WDR41: variants seen among roughly 807,000 people sequenced by gnomAD.
WDR41 encodes the protein WD repeat-containing protein 41.
Under a neutral mutation model 69.3 loss-of-function variants are expected in WDR41, and 63 were observed. The observed-to-expected ratio is 0.91, with a 90% CI of 0.74 to 1.12. WDR41 has a LOEUF of 1.12. Ranked by LOEUF, WDR41 falls within the 50% of genes most tolerant of loss-of-function variation. The pLI is 0.00. For synonymous variants in WDR41, 185 were observed against 192.1 expected, an observed-to-expected ratio of 0.96 and a Z score of 0.31; for missense variants, 543 against 534.5, an observed-to-expected ratio of 1.02 and a Z score of -0.16.
chr5:77,552,343 T>C (rs1178719577), intron 1 of WDR41, among the ~76,000 whole-genome samples: 2 of 152,172 alleles, frequency 1.3e-5, no homozygotes, highest in Admixed American at 1.3e-4. Flanking sequence ...ATGTGCAAGA[T>C]CTATATGCTA....
chr5:77,482,896 A>G (rs1801342080), intron 2 of WDR41, among the ~76,000 whole-genome samples: 1 of 151,634 alleles, frequency 6.6e-6, no homozygotes, highest in African/African-American at 2.4e-5. Context: ...ACCCTTGGGA[A>G]AGTGCCCCCG....
At chr5:77,439,380 T>G (rs967528832) in intron 9 of WDR41, among the ~76,000 whole-genome samples, 13 of 152,244 alleles carry the variant, frequency 8.5e-5, no homozygotes, top group African/African-American at 2.9e-4. Flanking sequence ...TCTTGAATGA[T>G]CCCCTTGACT....
At chr5:77,470,131 C>A (rs1195568234) in intron 2 of WDR41, among the ~76,000 whole-genome samples, 3 of 151,736 alleles carry the variant, frequency 2.0e-5, no homozygotes, top group Non-Finnish European at 4.4e-5. Context: ...ATTCAACATT[C>A]TTAAAGAAAA....
intron 1 of WDR41, among the ~76,000 whole-genome samples, chr5:77,576,173 T>G (rs1461406753): frequency 6.6e-6 from 1 of 152,118 alleles, no homozygotes; most frequent in East Asian, 1.9e-4. Flanking sequence ...GAAGAACCCC[T>G]CGATCTATGT....
chr5:77,481,527 C>G (rs1471451205), intron 2 of WDR41, among the ~76,000 whole-genome samples: 1 of 152,208 alleles, frequency 6.6e-6, no homozygotes, highest in East Asian at 1.9e-4. Flanking sequence ...TAGCTCACAC[C>G]TGTAATCCCA....
chr5:77,548,676 G>A (rs1743242926), intron 1 of WDR41, among the ~76,000 whole-genome samples: 1 of 152,164 alleles, frequency 6.6e-6, no homozygotes, highest in Admixed American at 6.5e-5. Flanking sequence ...CTATGCTGCT[G>A]GTGGGAATGT....
chr5:77,495,875 A>G (rs1486934039), upstream of WDR41, among the ~76,000 whole-genome samples: 10 of 152,070 alleles, frequency 6.6e-5, no homozygotes, highest in Non-Finnish European at 5.9e-5. Flanking sequence ...TTGACATAAT[A>G]TTATCACATT....
intron 5 of WDR41, among the ~76,000 whole-genome samples, chr5:77,456,983 C>T (rs1799860350): frequency 6.6e-6 from 1 of 152,186 alleles, no homozygotes; most frequent in Admixed American, 6.5e-5. Context: ...GGATTGCAGG[C>T]ATGAACTACC....
intron 2 of WDR41, among the ~76,000 whole-genome samples, chr5:77,474,184 G>A (rs201312029): frequency 1.3e-5 from 2 of 151,864 alleles, no homozygotes; most frequent in East Asian, 3.9e-4. Flanking sequence ...CTATGGCAAG[G>A]ACAAAAAACC....
intron 1 of WDR41, among the ~76,000 whole-genome samples, chr5:77,515,693 T>C (rs951971866): frequency 1.3e-5 from 2 of 152,136 alleles, no homozygotes; most frequent in South Asian, 2.1e-4. Context: ...CACTAGGCAA[T>C]AGGAATTTTC....
At chr5:77,611,520 C>T (rs1477529634) in intron 1 of WDR41, among the ~76,000 whole-genome samples, 1 of 152,212 alleles carries the variant, frequency 6.6e-6, no homozygotes, top group Non-Finnish European at 1.5e-5. Context: ...AACCGCTCAA[C>T]TACATGGAAA....
At chr5:77,434,578 A>G (rs193166468) in intron 12 of WDR41, among the ~76,000 whole-genome samples, 3 of 152,006 alleles carry the variant, frequency 2.0e-5, no homozygotes, top group Admixed American at 1.3e-4. Context: ...GGTGGCGGGC[A>G]CCTGTAATCC....
At chr5:77,596,234 G>T (rs976009341) in intron 1 of WDR41, among the ~76,000 whole-genome samples, 3 of 152,014 alleles carry the variant, frequency 2.0e-5, no homozygotes, top group African/African-American at 7.3e-5. Flanking sequence ...TGCAACCTCC[G>T]CCTCCCAGGT....
In WDR41 at chr5:77,431,206, G is replaced by A. The variant is rs1798710060; in HGVS notation, c.*1929C>T. ...GTTACAGAGATCTCATTTGTGAAAGGAAGTCAATTGATTTGGAAAACTTCA... is the reference window on the plus strand; with the variant it reads ...GTTACAGAGATCTCATTTGTGAAAGAAAGTCAATTGATTTGGAAAACTTCA... On this transcript the variant is annotated 3_prime_UTR_variant, in exon 13 of 13. Coordinates refer to ENST00000296679, the MANE Select transcript of WDR41 (RefSeq NM_018268.4). 2 of 152,138 alleles carry A rather than the reference G, an allele frequency of 1.3e-5. No individual in the cohort carries two copies. The highest frequency in any genetic ancestry group is 6.6e-5 in the Admixed American group (1 of 15,266). The allele number at this position is 152,138 out of a possible 1,614,324, so 9.4% of individuals were successfully genotyped here. A position where few individuals can be genotyped will look rare whatever the true frequency, so the allele number is the denominator to read the frequency against.
chr5:77,491,748 T>C (rs1801799875), intron 1 of WDR41: 2 of 177,940 alleles, frequency 1.1e-5, no homozygotes, highest in African/African-American at 4.7e-5. Context: ...GAGACACCAA[T>C]TCAAATAAAC....
Position 77,459,047 on chromosome 5 carries a change from T to C in WDR41, c.411+15A>G, listed in dbSNP as rs1297529784. ...ATAGATTGTCATAAAAACTCATATT[T>C]ACTTAAGATTTTACCTTTACAGTAG... On this transcript the variant is annotated intron_variant, in intron 5 of 12. Transcript: ENST00000296679. The C allele has an allele frequency of 6.4e-7, 1 of 1,563,494 alleles. No homozygotes were observed. Among genetic ancestry groups the C allele is most frequent in the Non-Finnish European group, 8.7e-7 (1 of 1,146,894 alleles).
intron 1 of WDR41, among the ~76,000 whole-genome samples, chr5:77,619,226 A>G (rs1234441974): frequency 6.6e-6 from 1 of 152,232 alleles, no homozygotes; most frequent in East Asian, 1.9e-4. Flanking sequence ...ACCTAAAGTC[A>G]AAGTCGATAT....
At chr5:77,475,518 C>A (rs1264867568) in intron 2 of WDR41, among the ~76,000 whole-genome samples, 1 of 152,200 alleles carries the variant, frequency 6.6e-6, no homozygotes, top group Non-Finnish European at 1.5e-5. Flanking sequence ...TGACCCCTGA[C>A]CCCCGAGCAG....
chr5:77,496,372 A>G (rs1428294965), upstream of WDR41, among the ~76,000 whole-genome samples: 1 of 152,068 alleles, frequency 6.6e-6, no homozygotes, highest in Non-Finnish European at 1.5e-5. Context: ...ATCCTGAAGA[A>G]TCCACAAAAA....
Sources: gnomAD v4.1 joint callset for allele counts (sites outside exome capture counted in the v4.1 genomes callset) on GRCh38, gnomAD v4.1.1 for gene constraint, MANE v1.5 for transcripts, NCBI Gene and HGNC (gene_info 2026-07-23, HGNC 2026-07-21) for gene names.